The following NME9 variants were observed in gnomAD, a reference collection of about 807,000 sequenced individuals.
The protein encoded by NME9 is NME/NM23 family member 9.
A neutral mutation model predicts 44.4 loss-of-function variants in NME9; 48 were observed. That is an observed-to-expected ratio of 1.08 (90% CI 0.86 to 1.37). NME9 has a LOEUF of 1.37. NME9 is among the 40% of genes most tolerant of loss of function. NME9 has a pLI of 0.00. For missense variants in NME9, 325 were observed against 405.2 expected (o/e 0.80, Z 1.70); for synonymous variants, 139 against 147.1 (o/e 0.94, Z 0.40).
downstream of NME9, chr3:138,296,921 C>T (rs1249760118): frequency 6.6e-6 from 1 of 152,138 alleles, no homozygotes; most frequent in Non-Finnish European, 1.5e-5. Flanking sequence ...AACTTGTGCT[C>T]AAACTAAAAG....
intron 8 of NME9, chr3:138,263,865 T>C (rs2047995095): frequency 6.5e-7 from 1 of 1,545,178 alleles, no homozygotes; most frequent in African/African-American, 1.4e-5. Flanking sequence ...TTGCCATATA[T>C]TTAACCTGTT....
intron 8 of NME9, among the ~76,000 whole-genome samples, chr3:138,273,782 G>A (rs1419177888): frequency 6.6e-6 from 1 of 151,426 alleles, no homozygotes; most frequent in Non-Finnish European, 1.5e-5. Flanking sequence ...CATGTCTCTG[G>A]CTTCCCCCAT....
At chr3:138,269,139 T>A (rs2048550015) in intron 8 of NME9, among the ~76,000 whole-genome samples, 1 of 152,212 alleles carries the variant, frequency 6.6e-6, no homozygotes. Context: ...GAAAAGAATA[T>A]CTGAGCGTTC....
intron 8 of NME9, chr3:138,270,013 ATTT>A: frequency 7.0e-7 from 1 of 1,421,004 alleles, no homozygotes; most frequent in Non-Finnish European, 9.8e-7. Flanking sequence ...TAAAGCTGTG[ATTT>A]TTTTTTTCCC....
intron 4 of NME9, among the ~76,000 whole-genome samples, chr3:138,316,840 C>G (rs962016767): frequency 2.0e-5 from 3 of 152,142 alleles, no homozygotes; most frequent in Non-Finnish European, 4.4e-5. Flanking sequence ...GTCTCAAACT[C>G]CTGACCTCAG....
chr3:138,274,233 A>ATGTGTGTGTGTG (rs142329302), intron 8 of NME9, among the ~76,000 whole-genome samples: 14 of 142,342 alleles, frequency 9.8e-5, no homozygotes, highest in African/African-American at 3.6e-4. Flanking sequence ...GTGTATATAC[A>ATGTGTGTGTGTG]TGTGTGTGTG....
chr3:138,329,831 C>G lies in NME9; in HGVS notation c.-496G>C. 1 of 986,192 alleles carries G rather than the reference C, an allele frequency of 1.0e-6. No individual in the cohort carries two copies. The highest frequency in any genetic ancestry group is 1.2e-6 in the Non-Finnish European group (1 of 830,430). The allele number at this position is 986,192 out of a possible 1,614,324, so 61.1% of individuals were successfully genotyped here. Reference sequence around the variant, plus strand: ...GAGTCACCAACCGAGTCTGCCGCGACCTAGCCGCGGTCGTCATGGCAACCT... The same window carrying G: ...GAGTCACCAACCGAGTCTGCCGCGAGCTAGCCGCGGTCGTCATGGCAACCT... On this transcript the variant is annotated 5_prime_UTR_variant, in exon 1 of 11. Transcript: ENST00000333911.
intron 8 of NME9, among the ~76,000 whole-genome samples, chr3:138,275,845 T>G (rs1459889873): frequency 1.3e-5 from 2 of 152,224 alleles, no homozygotes; most frequent in South Asian, 2.1e-4. Context: ...TCTTAAAATT[T>G]TTTTTAAAAC....
intron 8 of NME9, chr3:138,272,878 A>G: frequency 8.3e-7 from 1 of 1,207,806 alleles, no homozygotes; most frequent in Non-Finnish European, 1.1e-6. Context: ...TCTCAAAAAA[A>G]TAAAAAAAAA....
intron 8 of NME9, chr3:138,290,695 AG>A (rs1367221203): frequency 3.3e-6 from 4 of 1,218,084 alleles, no homozygotes; most frequent in Non-Finnish European, 4.7e-6. Context: ...CTTTCGTGAA[AG>A]GGTTTGAATT....
intron 7 of NME9, 64 bp downstream of exon 7, chr3:138,306,334 T>C (rs2052257091): frequency 8.2e-7 from 1 of 1,225,200 alleles, no homozygotes; most frequent in Non-Finnish European, 1.2e-6. Context: ...CAGTGCCCCA[T>C]CCCTGTTTAT....
intron 8 of NME9, among the ~76,000 whole-genome samples, chr3:138,265,135 G>T (rs2048154731): frequency 6.6e-6 from 1 of 151,982 alleles, no homozygotes; most frequent in Non-Finnish European, 1.5e-5. Flanking sequence ...GAGCTCAAGT[G>T]ATCCTGCCTT....
chr3:138,282,414 AGGGCGGGT>A (rs1439002570), intron 8 of NME9, among the ~76,000 whole-genome samples: 1 of 152,138 alleles, frequency 6.6e-6, no homozygotes, highest in Non-Finnish European at 1.5e-5. Flanking sequence ...TTGGGAGGCC[AGGGCGGGT>A]GGATCATGAG....
rs1432800759 is a variant in NME9, at chr3:138,306,456, A to T, written c.485T>A (p.Leu162Ter). 1 of 1,613,058 alleles carries T rather than the reference A, an allele frequency of 6.2e-7. No individual in the cohort carries two copies. The highest frequency in any genetic ancestry group is 1.7e-5 in the Admixed American group (1 of 59,940). The stretch of plus-strand genomic sequence containing the variant: ...CACTGCATCTGGTTTAATGATGGCC[A>T]AGGTACAGGTCCTCTCTGATGAAAC... The part of the protein sequence containing the change: ...DMVSSERTCT[L>*]AIIKPDAVAH... The change falls in exon 7 of 11, where the codon TTG (leucine) becomes TAG (stop). Residue 162 changes from leucine (L) to a stop codon, truncating the protein, a stop_gained. Transcript: ENST00000333911. LOFTEE classifies it high-confidence loss of function.
intron 8 of NME9, among the ~76,000 whole-genome samples, chr3:138,295,285 C>A (rs1249198187): frequency 6.6e-6 from 1 of 152,176 alleles, no homozygotes; most frequent in African/African-American, 2.4e-5. Flanking sequence ...GTTATGGTGT[C>A]ATCAGGTGTG....
At chr3:138,281,835 T>C (rs936639844) in intron 8 of NME9, among the ~76,000 whole-genome samples, 1 of 152,138 alleles carries the variant, frequency 6.6e-6, no homozygotes, top group Non-Finnish European at 1.5e-5. Flanking sequence ...GGGTAGCTGT[T>C]TTCTAGGAGA....
Position 138,301,562 on chromosome 3 carries a change from GAGTA to G in NME9, c.*74_*77del. On this transcript the variant is annotated 3_prime_UTR_variant, in exon 11 of 11. Transcript: ENST00000333911. ...AACCAAAAAGTATTGGTACTCAAAA[GAGTA>G]AGTTCCGATTCCGGAGGTCTGTTTT... The G allele has an allele frequency of 6.6e-7, 1 of 1,520,288 alleles. No homozygotes were observed. 94.2% of individuals were successfully genotyped at this position (1,520,288 alleles called of 1,614,324 possible).
intron 10 of NME9, 154 bp downstream of exon 10, chr3:138,303,353 A>G (rs962344699): frequency 1.1e-5 from 6 of 530,820 alleles, no homozygotes; most frequent in African/African-American, 9.3e-5. Context: ...ATTGATAATC[A>G]AGTTATATAA....
At position 138,301,512 on chromosome 3, in the gene NME9, T is replaced by A. The variant is rs1017453553; in HGVS notation, c.*128A>T. ...GAGTCACTGCGCCCAGCCATATTAT[T>A]TTCATTGTCTACAAAAGACAGCTAA... On this transcript the variant is annotated 3_prime_UTR_variant, in exon 11 of 11. Transcript: ENST00000333911. 6.2e-6 allele frequency: 9 copies of A among 1,453,008 alleles called. No homozygotes were observed. Among genetic ancestry groups the A allele is most frequent in the Non-Finnish European group, 8.1e-6 (9 of 1,104,724 alleles). 90.0% of individuals were successfully genotyped at this position (1,453,008 alleles called of 1,614,324 possible).
Sources: allele counts gnomAD v4.1 joint callset (sites outside exome capture counted in the v4.1 genomes callset), GRCh38; gene constraint gnomAD v4.1.1; transcripts MANE v1.5; gene names NCBI Gene and HGNC (gene_info 2026-07-23, HGNC 2026-07-21).